STX11: variants seen among roughly 807,000 people sequenced by gnomAD.
The protein encoded by STX11 is syntaxin 11.
STX11 carries 21 observed loss-of-function variants against 19.9 expected under a neutral mutation model. The ratio of observed to expected loss-of-function variants is 1.06; its 90% confidence interval spans 0.75 to 1.52. The LOEUF is 1.52. Among genes scored for constraint, STX11 ranks in the 40% most tolerant of loss-of-function variants. The probability of loss-of-function intolerance (pLI) is 0.00; values close to 1 mark genes in which losing one functional copy is unlikely to be tolerated. For synonymous variants in STX11, 193 were observed against 174.4 expected, an observed-to-expected ratio of 1.11 and a Z score of -0.84; for missense variants, 438 against 405.9, an observed-to-expected ratio of 1.08 and a Z score of -0.68.
At chr6:144,150,493 G>A (rs1800971066), upstream of STX11, 1 of 985,144 alleles carries the variant, frequency 1.0e-6, no homozygotes, top group Non-Finnish European at 1.2e-6. Context: ...TTCCTAAGCG[G>A]CGGGGGCTGA....
chr6:144,144,465 T>G, the STX11 span, among the ~76,000 whole-genome samples: 2 of 152,214 alleles, frequency 1.3e-5, no homozygotes, highest in African/African-American at 4.8e-5. Flanking sequence ...CTGGAAAAGC[T>G]TATTCAAATA....
In STX11 at chr6:144,152,118, A is replaced by G. The variant is rs961539890; in HGVS notation, c.-6+1415A>G. Among the ~76,000 whole-genome samples the G allele has an allele frequency of 1.3e-5, 2 of 152,212 alleles. No homozygotes were observed. Among genetic ancestry groups the G allele is most frequent in the East Asian group, 1.9e-4 (1 of 5,208 alleles). On this transcript the variant is annotated intron_variant, in intron 1 of 1. Coordinates refer to ENST00000367568, the MANE Select transcript of STX11 (RefSeq NM_003764.4). The surrounding 1 kb of genome is among the most constrained non-coding windows in gnomAD (Gnocchi z 4.9). The stretch of plus-strand genomic sequence containing the variant: ...CCCAGAGTGAAGTTTCTGTGCCAAT[A>G]TAACTCAATATGCTGGGTCCCAGTG...
Position 144,189,731 on chromosome 6 carries a change from C to A in STX11, c.*2240C>A, listed in dbSNP as rs1028174066. Among the ~76,000 whole-genome samples the A allele has an allele frequency of 9.9e-5, 15 of 152,194 alleles. No homozygotes were observed. The highest frequency in any genetic ancestry group is 3.1e-4 in the African/African-American group (13 of 41,458). On this transcript the variant is annotated 3_prime_UTR_variant, in exon 2 of 2. Coordinates refer to ENST00000367568, the MANE Select transcript of STX11 (RefSeq NM_003764.4). ...TATCCCCTGTATCTAATTTTAATTT[C>A]ATGGTTAAATTTGAGAATTGTGGAA...
upstream of STX11, among the ~76,000 whole-genome samples, chr6:144,146,928 G>C (rs9390157): frequency 0.21 from 32,312 of 152,090 alleles, 4,213 homozygotes; most frequent in South Asian, 0.37. This position sits in a 1 kb window ranked among gnomAD's most constrained non-coding sequence, Gnocchi z 4.4. Context: ...AGATTGCTGG[G>C]GATTAAGTGT....
Position 144,187,369 on chromosome 6 carries a change from A to T in STX11, c.742A>T (p.Asn248Tyr). 1 of 1,610,576 alleles carries T rather than the reference A, an allele frequency of 6.2e-7. No homozygotes were observed. Among genetic ancestry groups the T allele is most frequent in the East Asian group, 2.2e-5 (1 of 44,860 alleles). The change falls in exon 2 of 2, where the codon AAC becomes TAC. Residue 248 changes from asparagine to tyrosine, a missense_variant. Transcript: ENST00000367568. The surrounding 1 kb of genome is among the most constrained non-coding windows in gnomAD (Gnocchi z 5.6). ...QADTLNVIEL[N>Y]VQKTVDYTGQ... is the part of the protein sequence containing the mutation. ...CGACACCCTGAACGTCATCGAGCTC[A>T]ACGTACAAAAGACGGTCGACTACAC...
chr6:144,175,975 C>G lies in STX11; in HGVS notation c.-5-10648C>G, dbSNP rs749000448. Among the ~76,000 whole-genome samples the G allele has an allele frequency of 6.6e-6, 1 of 152,192 alleles. No homozygotes were observed. The highest frequency in any genetic ancestry group is 1.5e-5 in the Non-Finnish European group (1 of 68,036). ...CTCCCTGGCCACAGCTGATTTCACC[C>G]ACCCCACCCAGGGGTAGTGCAGAGA... On this transcript the variant is annotated intron_variant, in intron 1 of 1. Coordinates refer to ENST00000367568, the MANE Select transcript of STX11 (RefSeq NM_003764.4). This position sits in a 1 kb window ranked among gnomAD's most constrained non-coding sequence, Gnocchi z 5.1.
the STX11 span, among the ~76,000 whole-genome samples, chr6:144,141,373 A>G: frequency 6.6e-6 from 1 of 152,230 alleles, no homozygotes; most frequent in Non-Finnish European, 1.5e-5. Context: ...TAAAGATGCA[A>G]TAGTGTCAAT....
chr6:144,142,248 T>C, the STX11 span, among the ~76,000 whole-genome samples: 1 of 152,168 alleles, frequency 6.6e-6, no homozygotes, highest in Non-Finnish European at 1.5e-5. Context: ...TGGTTATCTT[T>C]AATATTGGTA....
At chr6:144,143,014 A>G in the STX11 span, among the ~76,000 whole-genome samples, 1 of 152,204 alleles carries the variant, frequency 6.6e-6, no homozygotes, top group Non-Finnish European at 1.5e-5. Flanking sequence ...TATCATATGT[A>G]CCCCACAAAT....
rs1256487025 is a variant in STX11 at position 144,165,284 on chromosome 6, G to A, written c.-6+14581G>A. 5.9e-5 allele frequency among the ~76,000 whole-genome samples: 9 copies of A among 151,864 alleles called. No homozygotes were observed. The highest frequency in any genetic ancestry group is 2.6e-4 in the Admixed American group (4 of 15,260). On this transcript the variant is annotated intron_variant, in intron 1 of 1. Transcript: ENST00000367568. The surrounding 1 kb of genome is among the most constrained non-coding windows in gnomAD (Gnocchi z 5.8). The stretch of plus-strand genomic sequence containing the variant: ...AACCTGACCAACATGGAGAAACCCC[G>A]TCTCTACTAAAAAATACAAAATTAG...
Position 144,175,507 on chromosome 6 carries a change from A to G in STX11, c.-5-11116A>G, listed in dbSNP as rs909657472. On this transcript the variant is annotated intron_variant, in intron 1 of 1. Transcript: ENST00000367568. This position sits in a 1 kb window ranked among gnomAD's most constrained non-coding sequence, Gnocchi z 5.1. ...TTTTCAGTAGAGATGGGGTTTCACC[A>G]TGTTGACCAGGCTGGTCTTGAACTC... Among the ~76,000 whole-genome samples the G allele has an allele frequency of 1.3e-5, 2 of 152,142 alleles. No homozygotes were observed. Among genetic ancestry groups the G allele is most frequent in the Admixed American group, 1.3e-4 (2 of 15,274 alleles).
chr6:144,141,609 A>G, the STX11 span, among the ~76,000 whole-genome samples: 1 of 152,246 alleles, frequency 6.6e-6, no homozygotes, highest in African/African-American at 2.4e-5. Flanking sequence ...TGCAGATAAC[A>G]AGATGAAAAA....
chr6:144,148,573 C>A (rs887830482), upstream of STX11, among the ~76,000 whole-genome samples: 5 of 152,178 alleles, frequency 3.3e-5, no homozygotes, highest in Non-Finnish European at 7.4e-5. Context: ...ACATTACATT[C>A]CTCACAACTA....
chr6:144,169,263 A>G lies in STX11; in HGVS notation c.-5-17360A>G, dbSNP rs1801563700. Among the ~76,000 whole-genome samples, 2 of 152,360 alleles carry G rather than the reference A, an allele frequency of 1.3e-5. No individual in the cohort carries two copies. Among genetic ancestry groups the G allele is most frequent in the South Asian group, 4.1e-4 (2 of 4,824 alleles). ...CTCTAGTCAGTGTCTTTCCGGGGCA[A>G]TAACACCAAAACGGTGATGTTTTAT... On this transcript the variant is annotated intron_variant, in intron 1 of 1. Transcript: ENST00000367568. This position sits in a 1 kb window ranked among gnomAD's most constrained non-coding sequence, Gnocchi z 5.2.
intron 1 of STX11, among the ~76,000 whole-genome samples, chr6:144,185,205 C>T (rs1036490633): frequency 2.0e-5 from 3 of 152,096 alleles, no homozygotes; most frequent in African/African-American, 4.8e-5. Context: ...GATGAAAGGC[C>T]GTGGTTAATA....
In STX11 at chr6:144,182,396, C is replaced by A. The variant is rs1373450812; in HGVS notation, c.-5-4227C>A. Among the ~76,000 whole-genome samples, 2 of 152,180 alleles carry A rather than the reference C, an allele frequency of 1.3e-5. No homozygotes were observed. The highest frequency in any genetic ancestry group is 2.9e-5 in the Non-Finnish European group (2 of 68,024). ...GAGCCAAGAGAGGTGGGCAGGAAGG[C>A]CAGGTGAAGGCCCCCTTCCCTCCTT... On this transcript the variant is annotated intron_variant, in intron 1 of 1. Transcript: ENST00000367568. The surrounding 1 kb of genome is among the most constrained non-coding windows in gnomAD (Gnocchi z 4.8).
At chr6:144,146,999 C>T (rs1800885645), upstream of STX11, among the ~76,000 whole-genome samples, 1 of 152,134 alleles carries the variant, frequency 6.6e-6, no homozygotes, top group South Asian at 2.1e-4. The surrounding 1 kb of genome is among the most constrained non-coding windows in gnomAD (Gnocchi z 4.4). Context: ...TGAACTCTTT[C>T]TTCTGTTTTA....
In STX11 at chr6:144,172,965, G is replaced by C. The variant is rs891487525; in HGVS notation, c.-5-13658G>C. Among the ~76,000 whole-genome samples, 2 of 152,096 alleles carry C rather than the reference G, an allele frequency of 1.3e-5. No homozygotes were observed. On this transcript the variant is annotated intron_variant, in intron 1 of 1. Transcript: ENST00000367568. This position sits in a 1 kb window ranked among gnomAD's most constrained non-coding sequence, Gnocchi z 4.2. Reference sequence around the variant, plus strand: ...GTTCTGTCCAAGCACATGTTACCAGGTGCCCCTGATCCTGGGCTAGGCCAT... The same window carrying C: ...GTTCTGTCCAAGCACATGTTACCAGCTGCCCCTGATCCTGGGCTAGGCCAT...
intron 1 of STX11, among the ~76,000 whole-genome samples, chr6:144,185,535 A>G (rs1245152501): frequency 1.3e-5 from 2 of 152,188 alleles, no homozygotes; most frequent in Non-Finnish European, 2.9e-5. Context: ...TTGCCTTACT[A>G]AGCAGAGGAA....
Sources: gnomAD v4.1 joint callset for allele counts (sites outside exome capture counted in the v4.1 genomes callset) on GRCh38, gnomAD v4.1.1 for gene constraint, Gnocchi (gnomAD v3.1) non-coding constraint, MANE v1.5 for transcripts, NCBI Gene and HGNC (gene_info 2026-07-23, HGNC 2026-07-21) for gene names.